Variants in THSD7B observed in about 807,000 individuals in gnomAD.
The protein encoded by THSD7B is thrombospondin type-1 domain-containing protein 7B.
Under a neutral mutation model 213.6 loss-of-function variants are expected in THSD7B, and 138 were observed. The ratio of observed to expected loss-of-function variants is 0.65; its 90% CI spans 0.56 to 0.74. The LOEUF is 0.74. Among genes scored for constraint, THSD7B ranks in the 30% least tolerant of loss-of-function variants. THSD7B has a pLI of 0.00. For synonymous variants in THSD7B, 742 were observed against 687.0 expected, an observed-to-expected ratio of 1.08 and a Z score of -1.25; for missense variants, 1,931 against 1,991.5, an observed-to-expected ratio of 0.97 and a Z score of 0.58.
chr2:136,930,768 G>A (rs1309571169), intron 2 of THSD7B, among the ~76,000 whole-genome samples: 3 of 152,136 alleles, frequency 2.0e-5, no homozygotes, highest in Non-Finnish European at 4.4e-5. Context: ...ATATTTTAAA[G>A]AATCGGCCTG....
intron 12 of THSD7B, among the ~76,000 whole-genome samples, chr2:137,393,172 T>A (rs78894340): frequency 1.0e-4 from 15 of 148,724 alleles, no homozygotes; most frequent in South Asian, 6.4e-4. Flanking sequence ...TTTTTTTTTT[T>A]ATTATACTTT....
At chr2:137,566,021 T>C (rs144484445) in intron 16 of THSD7B, among the ~76,000 whole-genome samples, 531 of 152,300 alleles carry the variant, frequency 3.5e-3, no homozygotes, top group South Asian at 0.014. Context: ...GTGAAGCAGA[T>C]CTTCCAGTTA....
intron 7 of THSD7B, among the ~76,000 whole-genome samples, chr2:137,177,698 G>A (rs10182222): frequency 0.023 from 3,512 of 152,280 alleles, 77 homozygotes; most frequent in African/African-American, 0.054. Flanking sequence ...ACAATGGGCA[G>A]CTTCATAATG....
chr2:137,096,866 G>A (rs1240086949), intron 4 of THSD7B, among the ~76,000 whole-genome samples: 2 of 152,166 alleles, frequency 1.3e-5, no homozygotes, highest in Admixed American at 6.5e-5. Flanking sequence ...TGAAGACCAG[G>A]CATGTGAAAT....
chr2:137,325,872 G>T (rs996628718), intron 12 of THSD7B, among the ~76,000 whole-genome samples: 1 of 152,086 alleles, frequency 6.6e-6, no homozygotes, highest in Non-Finnish European at 1.5e-5. Context: ...TCATTTGCTG[G>T]TTTTCCGTTG....
At chr2:137,585,149 A>C (rs919181998) in intron 17 of THSD7B, among the ~76,000 whole-genome samples, 1 of 151,982 alleles carries the variant, frequency 6.6e-6, no homozygotes, top group Non-Finnish European at 1.5e-5. Context: ...GTATTCTCTG[A>C]TGGTAGTTTG....
chr2:137,204,874 C>T (rs1680950752), intron 7 of THSD7B, among the ~76,000 whole-genome samples: 3 of 152,080 alleles, frequency 2.0e-5, no homozygotes. Context: ...CACACTGGCA[C>T]TGTTATAACT....
chr2:137,199,862 A>C (rs2105023093), intron 7 of THSD7B, among the ~76,000 whole-genome samples: 1 of 152,292 alleles, frequency 6.6e-6, no homozygotes, highest in Admixed American at 6.5e-5. Flanking sequence ...GAAAAAGCTG[A>C]AGATAGTGTA....
At chr2:137,626,278 CG>C (rs1316302500) in intron 20 of THSD7B, among the ~76,000 whole-genome samples, 1 of 152,006 alleles carries the variant, frequency 6.6e-6, no homozygotes, top group African/African-American at 2.4e-5. Flanking sequence ...ATGGCTAACA[CG>C]GTGAAACCCC....
At chr2:137,053,586 A>G (rs1401013205) in intron 2 of THSD7B, among the ~76,000 whole-genome samples, 3 of 152,134 alleles carry the variant, frequency 2.0e-5, no homozygotes, top group East Asian at 1.9e-4. Flanking sequence ...TAAAAAAAAA[A>G]AGAGAATGTC....
At chr2:137,157,428 G>C (rs914498233) in intron 5 of THSD7B, among the ~76,000 whole-genome samples, 3 of 152,100 alleles carry the variant, frequency 2.0e-5, no homozygotes, top group Middle Eastern at 3.2e-3. Flanking sequence ...TCTTATGGGG[G>C]ACTGGAGCAA....
chr2:137,557,491 A>G (rs1462972857), intron 15 of THSD7B, among the ~76,000 whole-genome samples: 1 of 152,226 alleles, frequency 6.6e-6, no homozygotes, highest in African/African-American at 2.4e-5. Context: ...ATGAAGGCAG[A>G]AATAAAGATG....
At chr2:137,221,567 AT>A (rs1681372847) in intron 7 of THSD7B, among the ~76,000 whole-genome samples, 1 of 152,198 alleles carries the variant, frequency 6.6e-6, no homozygotes, top group African/African-American at 2.4e-5. Flanking sequence ...AATGAAGTTT[AT>A]GTTTTTTGAC....
chr2:137,139,759 T>C (rs1679545087), intron 5 of THSD7B, among the ~76,000 whole-genome samples: 1 of 152,086 alleles, frequency 6.6e-6, no homozygotes, highest in Non-Finnish European at 1.5e-5. Context: ...AATCCCTTCA[T>C]AGAAGAAATA....
At chr2:137,123,426 G>A (rs1688577704) in intron 5 of THSD7B, among the ~76,000 whole-genome samples, 1 of 152,162 alleles carries the variant, frequency 6.6e-6, no homozygotes, top group Non-Finnish European at 1.5e-5. Context: ...GATCTGCTGA[G>A]TGATCACTAT....
chr2:137,359,686 G>A (rs1409090580), intron 12 of THSD7B, among the ~76,000 whole-genome samples: 1 of 152,092 alleles, frequency 6.6e-6, no homozygotes, highest in Non-Finnish European at 1.5e-5. Context: ...AGAACATTTG[G>A]TCACCTCCTG....
At chr2:136,928,390 TCTAAGTTGGGAACCATCTG>T (rs1458303054) in intron 2 of THSD7B, among the ~76,000 whole-genome samples, 1 of 152,202 alleles carries the variant, frequency 6.6e-6, no homozygotes, top group African/African-American at 2.4e-5. Flanking sequence ...GTCAAACCAT[TCTAAGTTGGGAACCATCTG>T]CATTTTGAAA....
At chr2:137,162,701 CCTTCCTCCCTCCCTCCCTTCCTTCCTTT>C (rs1680042152) in intron 6 of THSD7B, among the ~76,000 whole-genome samples, 1 of 151,756 alleles carries the variant, frequency 6.6e-6, no homozygotes, top group South Asian at 2.1e-4. Flanking sequence ...TCCTTTCTTT[CCTTCCTCCCTCCCTCCCTTCCTTCCTTT>C]CTTCCTCCCT....
At chr2:137,192,115 A>G (rs528827494) in intron 7 of THSD7B, among the ~76,000 whole-genome samples, 3 of 152,246 alleles carry the variant, frequency 2.0e-5, no homozygotes, top group Admixed American at 2.0e-4. Flanking sequence ...CTGGGATTGG[A>G]GATTTAATCA....
Sources: allele counts gnomAD v4.1 joint callset (sites outside exome capture counted in the v4.1 genomes callset), GRCh38; gene constraint gnomAD v4.1.1; transcripts MANE v1.5; gene names NCBI Gene and HGNC (gene_info 2026-07-23, HGNC 2026-07-21).